The following DOCK3 variants were observed in gnomAD, a reference collection of about 807,000 sequenced individuals.
DOCK3 encodes dedicator of cytokinesis protein 3.
A neutral mutation model predicts 265.6 loss-of-function variants in DOCK3; 60 were observed. That is an observed-to-expected ratio of 0.23 (90% CI 0.18 to 0.28). The LOEUF is 0.28. DOCK3 is among the 10% of genes least tolerant of loss of function. The pLI is 1.00. For synonymous variants in DOCK3, 881 were observed against 938.0 expected (o/e 0.94, Z 1.11); for missense variants, 1,981 against 2,594.3 (o/e 0.76, Z 5.14).
chr3:51,244,056 T>G (rs2078722325), intron 21 of DOCK3, among the ~76,000 whole-genome samples: 1 of 152,210 alleles, frequency 6.6e-6, no homozygotes, highest in African/African-American at 2.4e-5. Flanking sequence ...TCTTTTCCCA[T>G]TGTTTTATAA....
intron 23 of DOCK3, among the ~76,000 whole-genome samples, chr3:51,264,663 T>C (rs1021307435): frequency 3.3e-5 from 5 of 150,686 alleles, no homozygotes; most frequent in Non-Finnish European, 7.4e-5. Context: ...CCGTCTCTAC[T>C]AAAAATACAA....
chr3:51,100,798 C>CTT (rs60941495), intron 9 of DOCK3, among the ~76,000 whole-genome samples: 48 of 143,492 alleles, frequency 3.3e-4, no homozygotes, highest in African/African-American at 1.1e-3. Context: ...TTTAATTTAT[C>CTT]TTTTTTTTTT....
chr3:51,381,186 C>T lies in DOCK3; in HGVS notation c.5720C>T (p.Ala1907Val), dbSNP rs200128701. Residue 1907 changes from alanine to valine, a missense_variant, in exon 53 of 53, where the codon GCC becomes GTC. Ala to Val is a moderately conservative substitution (Grantham distance 64, BLOSUM62 0). Coordinates refer to ENST00000266037, the MANE Select transcript of DOCK3 (RefSeq NM_004947.5). The surrounding 1 kb of genome is among the most constrained non-coding windows in gnomAD (Gnocchi z 5.6). ...AGTAACTTTGGGCACTCCTCGGAGG[C>T]CCCACCTCGCACTGACACCATGGAC... ...SESNFGHSSEAPPRTDTMDSM... is the reference protein window; with the variant it reads ...SESNFGHSSEVPPRTDTMDSM... 27 of 1,613,808 alleles carry T rather than the reference C, an allele frequency of 1.7e-5. No individual in the cohort carries two copies. Among genetic ancestry groups the T allele is most frequent in the Non-Finnish European group, 2.2e-5 (26 of 1,179,884 alleles).
chr3:50,797,680 C>A (rs751372104), intron 2 of DOCK3, among the ~76,000 whole-genome samples: 1 of 152,162 alleles, frequency 6.6e-6, no homozygotes, highest in Non-Finnish European at 1.5e-5. Flanking sequence ...TCCTTGCCAG[C>A]ATTTGTTACT....
chr3:50,881,156 C>T (rs1332178784), intron 3 of DOCK3: 3 of 152,120 alleles, frequency 2.0e-5, no homozygotes, highest in African/African-American at 4.8e-5. Context: ...TTATGACAAA[C>T]CCACAGCCAA....
At chr3:51,085,384 A>C (rs1308432497) in intron 7 of DOCK3, among the ~76,000 whole-genome samples, 1 of 152,218 alleles carries the variant, frequency 6.6e-6, no homozygotes, top group African/African-American at 2.4e-5. Context: ...TCTCATCAGC[A>C]CATGGAACAT....
intron 5 of DOCK3, among the ~76,000 whole-genome samples, chr3:51,006,825 C>G (rs898333719): frequency 1.3e-5 from 2 of 152,146 alleles, no homozygotes; most frequent in Admixed American, 6.5e-5. Flanking sequence ...ACCCTGCATC[C>G]AGGCGTGCTC....
intron 12 of DOCK3, among the ~76,000 whole-genome samples, chr3:51,207,260 G>A (rs1407433825): frequency 1.3e-5 from 2 of 152,100 alleles, no homozygotes; most frequent in African/African-American, 4.8e-5. Context: ...AGATGTGAGT[G>A]AAATAATGCA....
intron 1 of DOCK3, among the ~76,000 whole-genome samples, chr3:50,682,369 G>T (rs2034475211): frequency 6.6e-6 from 1 of 152,106 alleles, no homozygotes; most frequent in Non-Finnish European, 1.5e-5. Flanking sequence ...TCATGTCTTT[G>T]TTCATATTGT....
At chr3:51,167,316 A>G (rs1452711962) in intron 12 of DOCK3, among the ~76,000 whole-genome samples, 5 of 152,056 alleles carry the variant, frequency 3.3e-5, no homozygotes, top group African/African-American at 7.2e-5. Flanking sequence ...GTCTGTTTTT[A>G]TGGCATTACC....
intron 49 of DOCK3, among the ~76,000 whole-genome samples, chr3:51,366,686 G>C (rs1414200404): frequency 6.6e-6 from 1 of 152,144 alleles, no homozygotes; most frequent in Non-Finnish European, 1.5e-5. Flanking sequence ...CTGGTATGTT[G>C]TGTCTTTGTT....
rs147898866 is a variant in DOCK3 at position 50,868,901 on chromosome 3, G to GTTTT, written c.163-21103_163-21100dup. On this transcript the variant is annotated intron_variant, in intron 3 of 52. Transcript: ENST00000266037. ...CTGATTTTATTTATTTGGATAATCTGTTTTTTTTTTTTTTTTTTTTTTTTT... is the reference window on the plus strand; with the variant it reads ...CTGATTTTATTTATTTGGATAATCTGTTTTTTTTTTTTTTTTTTTTTTTTTTTTT... 8.2e-3 allele frequency among the ~76,000 whole-genome samples: 117 copies of GTTTT among 14,282 alleles called. 12 individuals carry two copies. The highest frequency in any genetic ancestry group is 0.027 in the African/African-American group (110 of 4,140). The allele number at this position is 14,282 out of a possible 152,430, so 9.4% of individuals were successfully genotyped here. A position where few individuals can be genotyped will look rare whatever the true frequency, so the allele number is the denominator to read the frequency against.
chr3:51,109,015 A>G (rs1335007209), intron 9 of DOCK3, among the ~76,000 whole-genome samples: 1 of 151,778 alleles, frequency 6.6e-6, no homozygotes, highest in Non-Finnish European at 1.5e-5. Flanking sequence ...TGAACTCAAC[A>G]CTGGACCAAA....
At chr3:51,002,287 G>A (rs535317247) in intron 5 of DOCK3, among the ~76,000 whole-genome samples, 11 of 152,168 alleles carry the variant, frequency 7.2e-5, no homozygotes, top group African/African-American at 9.6e-5. Flanking sequence ...GAAGTGTCTC[G>A]TTTTAAAATT....
chr3:51,038,297 C>T (rs1207168640), intron 5 of DOCK3, among the ~76,000 whole-genome samples: 6 of 152,008 alleles, frequency 3.9e-5, no homozygotes, highest in Non-Finnish European at 8.8e-5. Context: ...TTTCAGGAGT[C>T]AGCTATGAAA....
At chr3:51,220,670 A>AAATATAT (rs1553797647) in intron 14 of DOCK3, among the ~76,000 whole-genome samples, 3 of 108,084 alleles carry the variant, frequency 2.8e-5, no homozygotes, top group African/African-American at 1.2e-4. Context: ...AAAAAAAAAA[A>AAATATAT]ATATATATAT....
intron 2 of DOCK3, among the ~76,000 whole-genome samples, chr3:50,835,501 A>G (rs2045451423): frequency 6.6e-6 from 1 of 152,250 alleles, no homozygotes. Context: ...AGAGGATCAA[A>G]ACAAGACAAC....
chr3:50,992,025 G>A (rs6446242), intron 5 of DOCK3, among the ~76,000 whole-genome samples: 145,253 of 152,292 alleles, frequency 0.95, 69,689 homozygotes, highest in East Asian at 1. Context: ...GTGAATATAA[G>A]GTAGTTTTTT....
intron 1 of DOCK3, among the ~76,000 whole-genome samples, chr3:50,688,421 A>G (rs2034987545): frequency 6.6e-6 from 1 of 152,172 alleles, no homozygotes; most frequent in African/African-American, 2.4e-5. Context: ...CATTTGTTGC[A>G]ATGAACCCGT....
Sources: allele counts gnomAD v4.1 joint callset (sites outside exome capture counted in the v4.1 genomes callset), GRCh38; gene constraint gnomAD v4.1.1; non-coding constraint Gnocchi (gnomAD v3.1); transcripts MANE v1.5; gene names NCBI Gene and HGNC (gene_info 2026-07-23, HGNC 2026-07-21).